CREB3L3: variants seen among roughly 807,000 people sequenced by gnomAD.
The protein encoded by CREB3L3 is cyclic AMP-responsive element-binding protein 3-like protein 3.
In CREB3L3, 40 loss-of-function variants were observed where a neutral mutation model predicts 44.6. The ratio of observed to expected loss-of-function variants is 0.90; its 90% CI spans 0.70 to 1.17. CREB3L3 has a LOEUF of 1.17. CREB3L3 is among the 50% of genes most tolerant of loss of function. The probability of loss-of-function intolerance (pLI) is 0.00; values close to 1 mark genes in which losing one functional copy is unlikely to be tolerated. For synonymous variants in CREB3L3, 273 were observed against 256.3 expected, an observed-to-expected ratio of 1.06 and a Z score of -0.62; for missense variants, 578 against 595.8, an observed-to-expected ratio of 0.97 and a Z score of 0.31.
chr19:4,158,623 A>G (rs2041618543), intron 3 of CREB3L3, among the ~76,000 whole-genome samples: 1 of 152,048 alleles, frequency 6.6e-6, no homozygotes, highest in Non-Finnish European at 1.5e-5. Context: ...AACATGGTGA[A>G]ACCTCTGTCT....
intron 5 of CREB3L3, among the ~76,000 whole-genome samples, chr19:4,168,119 C>T (rs1966962229): frequency 1.3e-5 from 2 of 151,932 alleles, no homozygotes; most frequent in African/African-American, 2.4e-5. Context: ...CTGCCTCAGC[C>T]TCCCGAGTAG....
At chr19:4,166,466 A>G (rs1351000109) in intron 5 of CREB3L3, among the ~76,000 whole-genome samples, 1 of 126,074 alleles carries the variant, frequency 7.9e-6, no homozygotes, top group Non-Finnish European at 1.6e-5. Flanking sequence ...GAGTTTCACC[A>G]TGTTGGCCAG....
intron 4 of CREB3L3, among the ~76,000 whole-genome samples, chr19:4,160,322 C>T (rs2041642074): frequency 6.6e-6 from 1 of 151,850 alleles, no homozygotes; most frequent in Non-Finnish European, 1.5e-5. Flanking sequence ...AAGAACAAAG[C>T]TAAAACTGAG....
At chr19:4,169,349 G>A (rs1483895679) in intron 6 of CREB3L3, among the ~76,000 whole-genome samples, 2 of 151,786 alleles carry the variant, frequency 1.3e-5, no homozygotes, top group East Asian at 4.0e-4. Context: ...GCTTGGTGGC[G>A]GGTGCCTGTA....
At chr19:4,160,975 G>T (rs1218709715) in intron 4 of CREB3L3, among the ~76,000 whole-genome samples, 1 of 145,992 alleles carries the variant, frequency 6.8e-6, no homozygotes, top group Non-Finnish European at 1.5e-5. Context: ...GCAGTGGCGT[G>T]ATCTCGGCTC....
intron 2 of CREB3L3, 23 bp from the exon 3 acceptor site, chr19:4,156,972 C>G: frequency 6.2e-7 from 1 of 1,613,394 alleles, no homozygotes; most frequent in South Asian, 1.1e-5. Context: ...CTAATTCCTA[C>G]TACCCCTCCC....
intron 3 of CREB3L3, among the ~76,000 whole-genome samples, chr19:4,157,873 C>T (rs350870): frequency 0.056 from 8,439 of 151,660 alleles, 306 homozygotes; most frequent in South Asian, 0.15. Context: ...TTAGTAGAGA[C>T]GAGGTTTCAC....
chr19:4,156,651 G>A (rs748353615), intron 2 of CREB3L3, among the ~76,000 whole-genome samples: 56 of 151,294 alleles, frequency 3.7e-4, no homozygotes, highest in Non-Finnish European at 4.4e-5. Context: ...ACAGATGCCC[G>A]CCACCACGCC....
chr19:4,159,846 C>G (rs1002481747), intron 4 of CREB3L3, 64 bp downstream of exon 4: 2 of 793,062 alleles, frequency 2.5e-6, no homozygotes, highest in East Asian at 4.9e-5. Context: ...GTTCGAGGAG[C>G]CTAAATATCC....
Position 4,171,878 on chromosome 19 carries a change from T to C in CREB3L3, c.1295T>C (p.Leu432Pro), listed in dbSNP as rs1271848874. 1 of 1,613,070 alleles carries C rather than the reference T, an allele frequency of 6.2e-7. No individual in the cohort carries two copies. Among genetic ancestry groups the C allele is most frequent in the African/African-American group, 1.3e-5 (1 of 74,916 alleles). The stretch of plus-strand genomic sequence containing the variant: ...GTCCTGAGGAATGCAACAGAGGGGC[T>C]GGGCCAGGTCGCCCTGCTGGACTGG... The part of the protein sequence containing the change: ...TLVLRNATEG[L>P]GQVALLDWVA... Residue 432 changes from leucine to proline, a missense_variant, in exon 10 of 10, where the codon CTG becomes CCG. Physicochemically the swap from Leu to Pro is moderately conservative, Grantham distance 98. Transcript: ENST00000078445. This position sits in a 1 kb window ranked among gnomAD's most constrained non-coding sequence, Gnocchi z 4.9.
chr19:4,164,772 G>C (rs1052027692), intron 5 of CREB3L3, 132 bp downstream of exon 5: 3 of 1,081,406 alleles, frequency 2.8e-6, no homozygotes, highest in African/African-American at 3.1e-5. Flanking sequence ...GCAGTGGCAC[G>C]ATCTCAGCTT....
chr19:4,155,381 A>ATT (rs2041558644), intron 2 of CREB3L3, among the ~76,000 whole-genome samples: 1 of 142,104 alleles, frequency 7.0e-6, no homozygotes, highest in African/African-American at 2.8e-5. Context: ...TTTTTTTTGA[A>ATT]GGAGTCTCGC....
At position 4,166,421 on chromosome 19, in the gene CREB3L3, A is replaced by ATTT. The variant is rs35783380; in HGVS notation, c.714+1802_714+1804dup. On this transcript the variant is annotated intron_variant, in intron 5 of 9. Transcript: ENST00000078445. ...AGGCACGCGCCACCACGCCTGGCTAATTTTTTTTTTTTTTTTTTTTTTTGA... is the reference window on the plus strand; with the variant it reads ...AGGCACGCGCCACCACGCCTGGCTAATTTTTTTTTTTTTTTTTTTTTTTTTTGA... Among the ~76,000 whole-genome samples the ATTT allele has an allele frequency of 8.7e-5, 9 of 103,760 alleles. No individual in the cohort carries two copies. The East Asian group carries it at 1.5e-3, about 18-fold the overall frequency. 68.1% of individuals were successfully genotyped at this position (103,760 alleles called of 152,430 possible). A position where few individuals can be genotyped will look rare whatever the true frequency, so the allele number is the denominator to read the frequency against.
intron 4 of CREB3L3, among the ~76,000 whole-genome samples, 156 bp downstream of exon 4, chr19:4,159,938 C>T (rs1310712635): frequency 6.6e-6 from 1 of 152,146 alleles, no homozygotes; most frequent in Admixed American, 6.6e-5. Context: ...CCTGGGCTCA[C>T]TGTCGCCTGG....
chr19:4,161,229 TG>T (rs1241984414), intron 4 of CREB3L3, among the ~76,000 whole-genome samples: 1 of 152,160 alleles, frequency 6.6e-6, no homozygotes, highest in African/African-American at 2.4e-5. Context: ...CCCAAAGTGC[TG>T]GGATTACAGG....
intron 1 of CREB3L3, among the ~76,000 whole-genome samples, chr19:4,154,223 C>A (rs1485842331): frequency 6.6e-6 from 1 of 152,048 alleles, no homozygotes; most frequent in African/African-American, 2.4e-5. Flanking sequence ...AGGTGTGCAC[C>A]ACCACGCCCG....
At position 4,171,487 on chromosome 19, in the gene CREB3L3, A is replaced by G; in HGVS notation, c.1072+8A>G. The G allele has an allele frequency of 6.2e-7, 1 of 1,613,696 alleles. No homozygotes were observed. The highest frequency in any genetic ancestry group is 8.5e-7 in the Non-Finnish European group (1 of 1,179,770). The stretch of plus-strand genomic sequence containing the variant: ...ACTTTGCGCCTGTACGAGGTAGGGG[A>G]TCCCCACCTTTGAAACCCTTGTCTG... On this transcript the variant is annotated splice_region_variant and intron_variant, in intron 9 of 9. Transcript: ENST00000078445. The surrounding 1 kb of genome is among the most constrained non-coding windows in gnomAD (Gnocchi z 4.9).
chr19:4,172,050 G>T lies in CREB3L3; in HGVS notation c.*81G>T. 7.2e-7 allele frequency: 1 copy of T among 1,383,510 alleles called. No individual in the cohort carries two copies. Among genetic ancestry groups the T allele is most frequent in the Non-Finnish European group, 9.7e-7 (1 of 1,034,142 alleles). 85.7% of individuals were successfully genotyped at this position (1,383,510 alleles called of 1,614,324 possible). On this transcript the variant is annotated 3_prime_UTR_variant, in exon 10 of 10. Transcript: ENST00000078445. ...TGCACTGGGCAGCTACCCACCTGGG[G>T]ATGGGACGTGAGGCCAAGACCCCAG...
rs1300512208 is a variant in CREB3L3, at chr19:4,154,887, C to G, written c.28-12C>G. 1.9e-6 allele frequency: 3 copies of G among 1,613,830 alleles called. No homozygotes were observed. The highest frequency in any genetic ancestry group is 1.3e-5 in the African/African-American group (1 of 75,056). On this transcript the variant is annotated splice_polypyrimidine_tract_variant and intron_variant, in intron 1 of 9. Transcript: ENST00000078445. Reference sequence around the variant, plus strand: ...CTGTATGTGACCCTCACATCTGTTCCTCGCGCCCCAGATGGCTTCTGCTGC... The same window carrying G: ...CTGTATGTGACCCTCACATCTGTTCGTCGCGCCCCAGATGGCTTCTGCTGC...
Sources: allele counts gnomAD v4.1 joint callset (sites outside exome capture counted in the v4.1 genomes callset), GRCh38; gene constraint gnomAD v4.1.1; non-coding constraint Gnocchi (gnomAD v3.1); transcripts MANE v1.5; gene names NCBI Gene and HGNC (gene_info 2026-07-23, HGNC 2026-07-21).